The following RETREG1 variants were observed in gnomAD, a reference collection of about 807,000 sequenced individuals.
The protein encoded by RETREG1 is reticulophagy regulator 1.
A neutral mutation model predicts 54.8 loss-of-function variants in RETREG1; 44 were observed. That is an observed-to-expected ratio of 0.80 (90% CI 0.63 to 1.03). The LOEUF (loss-of-function observed/expected upper bound fraction) is 1.03, where lower values mean the gene tolerates loss of function less well. RETREG1 is among the 50% of genes least tolerant of loss of function. RETREG1 has a pLI of 0.00. For synonymous variants in RETREG1, 217 were observed against 238.5 expected, an observed-to-expected ratio of 0.91 and a Z score of 0.83; for missense variants, 554 against 605.1, an observed-to-expected ratio of 0.92 and a Z score of 0.89.
intron 3 of RETREG1, among the ~76,000 whole-genome samples, chr5:16,495,265 GCCA>G (rs1456809425): frequency 2.0e-5 from 3 of 152,158 alleles, no homozygotes; most frequent in African/African-American, 7.2e-5. Context: ...TTGCAGCCTG[GCCA>G]TGTGGTAGAA....
At chr5:16,596,060 T>C (rs887021619) in intron 1 of RETREG1, among the ~76,000 whole-genome samples, 2 of 152,248 alleles carry the variant, frequency 1.3e-5, no homozygotes, top group South Asian at 2.1e-4. Flanking sequence ...TGGGTCATAA[T>C]GTCACCAGCT....
At chr5:16,577,893 T>C (rs976573876) in intron 1 of RETREG1, among the ~76,000 whole-genome samples, 8 of 152,340 alleles carry the variant, frequency 5.3e-5, no homozygotes, top group Non-Finnish European at 8.8e-5. Flanking sequence ...CCACCATGAT[T>C]GTGAGGCCTC....
intron 3 of RETREG1, among the ~76,000 whole-genome samples, chr5:16,502,503 C>T (rs557169622): frequency 3.3e-5 from 5 of 152,284 alleles, no homozygotes; most frequent in African/African-American, 1.2e-4. Context: ...TTTAAAAATG[C>T]TTCCAAAATG....
intron 3 of RETREG1, among the ~76,000 whole-genome samples, chr5:16,564,019 T>C (rs549489586): frequency 1.3e-5 from 2 of 152,346 alleles, no homozygotes; most frequent in South Asian, 4.1e-4. Flanking sequence ...TTATTCCTTT[T>C]TAAAAGAAAT....
chr5:16,550,329 A>G (rs1741498622), intron 3 of RETREG1, among the ~76,000 whole-genome samples: 1 of 152,122 alleles, frequency 6.6e-6, no homozygotes, highest in Admixed American at 6.5e-5. Flanking sequence ...TTAAGGGCAC[A>G]TTCTTGGGTT....
In RETREG1 at chr5:16,475,027, T is replaced by C. The variant is rs1738469107; in HGVS notation, c.1208A>G (p.Asp403Gly). The change falls in exon 9 of 9, where the codon GAC becomes GGC. Residue 403 changes from aspartate to glycine, a missense_variant. Asp to Gly is a moderately conservative substitution (Grantham distance 94, BLOSUM62 -1). Transcript: ENST00000306320. ...AAGLTLPLNSDQTFHLMSNLA... is the reference protein window; with the variant it reads ...AAGLTLPLNSGQTFHLMSNLA... Reference sequence around the variant, plus strand: ...GTTGCTCATCAGGTGAAAGGTTTGGTCACTGTTCAGAGGAAGGGTGAGACC... The same window carrying C: ...GTTGCTCATCAGGTGAAAGGTTTGGCCACTGTTCAGAGGAAGGGTGAGACC... 2.5e-6 allele frequency: 4 copies of C among 1,613,780 alleles called. No individual in the cohort carries two copies. Among genetic ancestry groups the C allele is most frequent in the Non-Finnish European group, 3.4e-6 (4 of 1,179,818 alleles).
intron 3 of RETREG1, among the ~76,000 whole-genome samples, chr5:16,558,891 T>C (rs756848849): frequency 4.6e-5 from 7 of 152,230 alleles, no homozygotes; most frequent in Non-Finnish European, 8.8e-5. Context: ...GTCATAAATA[T>C]AAAAAATACA....
chr5:16,616,728 G>C lies in RETREG1; in HGVS notation c.244C>G (p.Arg82Gly). Residue 82 changes from arginine (R) to glycine (G), a missense_variant, in exon 1 of 9, where the codon CGC becomes GGC. This residue lies in a region of RETREG1 where 175 missense variants were observed against 142.1 expected (regional missense o/e 1.23). Coordinates refer to ENST00000306320, the MANE Select transcript of RETREG1 (RefSeq NM_001034850.3). ...TTCCAGCTCAGCAGCTCGTCGGCGC[G>C]GCAGCCCAGCCACAGCACCGGCTCC... ...LGEPVLWLGCRADELLSWKRP... is the reference protein window; with the variant it reads ...LGEPVLWLGCGADELLSWKRP... 6.3e-7 allele frequency: 1 copy of C among 1,582,904 alleles called. No individual in the cohort carries two copies. Among genetic ancestry groups the C allele is most frequent in the Non-Finnish European group, 8.5e-7 (1 of 1,172,244 alleles).
intron 1 of RETREG1, among the ~76,000 whole-genome samples, chr5:16,613,866 A>G (rs1395260647): frequency 2.0e-5 from 3 of 152,220 alleles, no homozygotes; most frequent in African/African-American, 7.2e-5. Flanking sequence ...AGAAAACGTA[A>G]TGTCCTTGAA....
rs144354837 is a variant in RETREG1 at position 16,583,665 on chromosome 5, C to T, written c.321-11563G>A. Among the ~76,000 whole-genome samples the T allele has an allele frequency of 7.7e-3, 1,170 of 152,226 alleles. 10 individuals are homozygous for T. The highest frequency in any genetic ancestry group is 9.7e-3 in the Non-Finnish European group (657 of 68,020). ...AGCAAAGAAAAATAGTTCATACACA[C>T]GCAAATCTTGTTTGATAATGGATAA... On this transcript the variant is annotated intron_variant, in intron 1 of 8. Coordinates refer to ENST00000306320, the MANE Select transcript of RETREG1 (RefSeq NM_001034850.3).
chr5:16,485,016 AT>A (rs1200941545), intron 3 of RETREG1, among the ~76,000 whole-genome samples: 3 of 152,118 alleles, frequency 2.0e-5, no homozygotes, highest in Admixed American at 1.3e-4. Flanking sequence ...TACTAAGTGC[AT>A]AGCTAAGAAG....
intron 3 of RETREG1, among the ~76,000 whole-genome samples, chr5:16,529,359 G>A (rs544161120): frequency 1.3e-4 from 20 of 152,320 alleles, no homozygotes; most frequent in Non-Finnish European, 2.5e-4. Context: ...TCTGTGTGAG[G>A]AATGGGGAAC....
intron 1 of RETREG1, among the ~76,000 whole-genome samples, chr5:16,592,383 C>T (rs1309716630): frequency 6.6e-6 from 1 of 152,022 alleles, no homozygotes; most frequent in African/African-American, 2.4e-5. Context: ...ATGGCTATTA[C>T]AAAAAAGTCA....
At chr5:16,575,761 C>T (rs1391289068) in intron 1 of RETREG1, among the ~76,000 whole-genome samples, 1 of 152,134 alleles carries the variant, frequency 6.6e-6, no homozygotes, top group Non-Finnish European at 1.5e-5. Flanking sequence ...CAAGGTAATG[C>T]CAAACTGTAT....
In RETREG1 at chr5:16,474,685, T is replaced by TTTTTTTTTTAAA; in HGVS notation, c.*55_*56insTTTAAAAAAAAA. On this transcript the variant is annotated 3_prime_UTR_variant, in exon 9 of 9. Transcript: ENST00000306320. ...TTTCTTTTCCTTTTTTTTTTTTTTT[T>TTTTTTTTTTAAA]CTTGTTTGAAATTTTTTTGGTGTTT... The TTTTTTTTTTAAA allele has an allele frequency of 6.5e-7, 1 of 1,540,700 alleles. No individual in the cohort carries two copies. The highest frequency in any genetic ancestry group is 8.7e-7 in the Non-Finnish European group (1 of 1,147,490).
chr5:16,477,532 T>A, intron 8 of RETREG1, 130 bp downstream of exon 8: 1 of 913,314 alleles, frequency 1.1e-6, no homozygotes, highest in Non-Finnish European at 1.7e-6. Context: ...GACTTCATTT[T>A]TATAGCCAAG....
rs1055767834 is a variant in RETREG1 at position 16,561,161 on chromosome 5, T to C, written c.458+4602A>G. On this transcript the variant is annotated intron_variant, in intron 3 of 8. Coordinates refer to ENST00000306320, the MANE Select transcript of RETREG1 (RefSeq NM_001034850.3). This position sits in a 1 kb window ranked among gnomAD's most constrained non-coding sequence, Gnocchi z 4.2. ...AGAATGAAAGTTAGCTGTACCTGGA[T>C]ATACACCTAACCAGTTCTAGAATGA... Among the ~76,000 whole-genome samples, 4 of 151,780 alleles carry C rather than the reference T, an allele frequency of 2.6e-5. No homozygotes were observed. The highest frequency in any genetic ancestry group is 9.7e-5 in the African/African-American group (4 of 41,306).
At chr5:16,479,052 A>G (rs1738659015) in intron 5 of RETREG1, 65 bp from the exon 6 acceptor site, 1 of 1,462,966 alleles carries the variant, frequency 6.8e-7, no homozygotes, top group Non-Finnish European at 9.5e-7. Context: ...ACATTTCAGT[A>G]TTTCACAAAA....
In RETREG1 at chr5:16,576,281, A is replaced by AT. The variant is rs540163208; in HGVS notation, c.321-4180dup. Among the ~76,000 whole-genome samples, 472 of 145,080 alleles carry AT rather than the reference A, an allele frequency of 3.3e-3. 1 individual carries two copies. Among genetic ancestry groups the AT allele is most frequent in the Non-Finnish European group, 5.8e-3 (389 of 66,664 alleles). On this transcript the variant is annotated intron_variant, in intron 1 of 8. Coordinates refer to ENST00000306320, the MANE Select transcript of RETREG1 (RefSeq NM_001034850.3). ...ACTGCCATTTATCTTCAAAAACAAG[A>AT]TTTTTTCTTTTTCTTTTTTTTTTTT...
Sources: gnomAD v4.1 joint callset for allele counts (sites outside exome capture counted in the v4.1 genomes callset) on GRCh38, gnomAD v4.1.1 for gene constraint, gnomAD v4.1.1 regional missense constraint, Gnocchi (gnomAD v3.1) non-coding constraint, MANE v1.5 for transcripts, NCBI Gene and HGNC (gene_info 2026-07-23, HGNC 2026-07-21) for gene names.